CSMD1: variants seen among roughly 807,000 people sequenced by gnomAD.
CSMD1 encodes CUB and sushi domain-containing protein 1.
CSMD1 carries 213 observed loss-of-function variants against 417.5 expected under a neutral mutation model. The observed-to-expected ratio is 0.51, with a 90% CI of 0.46 to 0.57. The LOEUF (loss-of-function observed/expected upper bound fraction) is 0.57, where lower values mean the gene tolerates loss of function less well. Among genes scored for constraint, CSMD1 ranks in the 20% least tolerant of loss-of-function variants. The pLI is 0.00. For synonymous variants in CSMD1, 2,862 were observed against 1,736.8 expected (o/e 1.65, Z -16.11); for missense variants, 6,923 against 4,529.7 (o/e 1.53, Z -15.17).
intron 1 of CSMD1, among the ~76,000 whole-genome samples, chr8:4,673,319 A>C (rs1329723021): frequency 6.6e-6 from 1 of 152,002 alleles, no homozygotes; most frequent in African/African-American, 2.4e-5. Flanking sequence ...AGACCCAAAG[A>C]CTCCAGGGCA....
rs140329009 is a variant in CSMD1 at position 4,356,969 on chromosome 8, G to C, written c.415+62984C>G. On this transcript the variant is annotated intron_variant, in intron 3 of 69. Transcript: ENST00000635120. ...AATATAATAGCAACTGAAAGACTTT[G>C]CAGCTATGTGAATATGTGAATATAT... 2.0e-5 allele frequency among the ~76,000 whole-genome samples: 3 copies of C among 152,260 alleles called. No homozygotes were observed. In the East Asian group the frequency reaches 5.8e-4, roughly 29 times the overall value.
At chr8:4,211,604 C>G (rs1261197253) in intron 3 of CSMD1, among the ~76,000 whole-genome samples, 1 of 152,138 alleles carries the variant, frequency 6.6e-6, no homozygotes, top group Non-Finnish European at 1.5e-5. Context: ...AAGTCATCTC[C>G]AAGTTGCTCC....
intron 5 of CSMD1, among the ~76,000 whole-genome samples, chr8:3,828,740 G>C (rs1000652016): frequency 2.6e-5 from 4 of 152,100 alleles, no homozygotes; most frequent in African/African-American, 9.7e-5. Flanking sequence ...TCACCAGAGA[G>C]ACCTTACTAA....
intron 33 of CSMD1, among the ~76,000 whole-genome samples, chr8:3,198,557 A>T (rs181387480): frequency 2.6e-5 from 4 of 152,344 alleles, no homozygotes; most frequent in Admixed American, 2.6e-4. Context: ...TTCAATGGCT[A>T]CTTACACAGG....
At chr8:4,500,311 G>C (rs923804263) in intron 2 of CSMD1, among the ~76,000 whole-genome samples, 1 of 152,140 alleles carries the variant, frequency 6.6e-6, no homozygotes, top group Non-Finnish European at 1.5e-5. Flanking sequence ...TAGGTTACCA[G>C]GGATATTCTG....
At chr8:4,233,969 G>A (rs78363437) in intron 3 of CSMD1, among the ~76,000 whole-genome samples, 1,895 of 151,802 alleles carry the variant, frequency 0.012, 41 homozygotes, top group African/African-American at 0.044. Context: ...AAGGTAAAAC[G>A]GCGGGGGGTG....
chr8:3,918,742 T>G (rs1809009434), intron 5 of CSMD1, among the ~76,000 whole-genome samples: 2 of 152,092 alleles, frequency 1.3e-5, no homozygotes, highest in Non-Finnish European at 2.9e-5. Flanking sequence ...TGGATGGTAT[T>G]AGAGACTATT....
At chr8:3,785,556 G>C (rs997622625) in intron 5 of CSMD1, among the ~76,000 whole-genome samples, 1 of 152,212 alleles carries the variant, frequency 6.6e-6, no homozygotes, top group African/African-American at 2.4e-5. Flanking sequence ...GGCTTGAAGG[G>C]AGAGGTAAGC....
At chr8:4,173,100 G>A (rs1797856635) in intron 3 of CSMD1, among the ~76,000 whole-genome samples, 1 of 152,058 alleles carries the variant, frequency 6.6e-6, no homozygotes, top group Admixed American at 6.5e-5. Context: ...AAGGTTGTAT[G>A]AACCACACGG....
chr8:3,370,557 G>A (rs762145866), intron 18 of CSMD1, among the ~76,000 whole-genome samples: 6 of 152,204 alleles, frequency 3.9e-5, no homozygotes, highest in Admixed American at 2.0e-4. Flanking sequence ...GTAAGAGGCC[G>A]GTCATGTCTG....
intron 5 of CSMD1, among the ~76,000 whole-genome samples, chr8:3,913,183 A>T (rs1808576365): frequency 6.6e-6 from 1 of 152,054 alleles, no homozygotes; most frequent in Admixed American, 6.5e-5. Context: ...TGAGTTGAGA[A>T]CCGAATATAT....
In CSMD1 at chr8:2,999,218, G is replaced by A. The variant is rs578077317; in HGVS notation, c.8203+740C>T. ...CACCCAGGCTGGGGTGCAGCGGCACGATCTCTGCTCACTGCAACCTCCATC... is the reference window on the plus strand; with the variant it reads ...CACCCAGGCTGGGGTGCAGCGGCACAATCTCTGCTCACTGCAACCTCCATC... On this transcript the variant is annotated intron_variant, in intron 53 of 69. Transcript: ENST00000635120. Among the ~76,000 whole-genome samples, 14 of 142,314 alleles carry A rather than the reference G, an allele frequency of 9.8e-5. No individual in the cohort carries two copies. The South Asian group carries it at 3.1e-3, about 31-fold the overall frequency. 93.4% of individuals were successfully genotyped at this position (142,314 alleles called of 152,430 possible). A position where few individuals can be genotyped will look rare whatever the true frequency, so the allele number is the denominator to read the frequency against.
At chr8:2,985,754 G>A (rs958414944) in intron 54 of CSMD1, among the ~76,000 whole-genome samples, 1 of 152,164 alleles carries the variant, frequency 6.6e-6, no homozygotes, top group African/African-American at 2.4e-5. Context: ...GCCTTAAGAA[G>A]TTGCTTTGTC....
intron 3 of CSMD1, among the ~76,000 whole-genome samples, chr8:4,243,575 G>C (rs559789067): frequency 6.6e-6 from 1 of 152,240 alleles, no homozygotes; most frequent in South Asian, 2.1e-4. Context: ...GAGTAAATAA[G>C]TTATGCAAGG....
intron 11 of CSMD1, among the ~76,000 whole-genome samples, chr8:3,480,892 C>G (rs1259383294): frequency 1.3e-5 from 2 of 151,982 alleles, no homozygotes; most frequent in African/African-American, 4.8e-5. Context: ...GGCAATGGCT[C>G]ACGCCTGTAA....
rs550519080 is a variant in CSMD1 at position 3,496,388 on chromosome 8, G to A, written c.1345-2662C>T. The stretch of plus-strand genomic sequence containing the variant: ...AGACACCATGTGGCTTGCTCGTGGA[G>A]GGAAGCACTGGCCTCAACCTACAAG... On this transcript the variant is annotated intron_variant, in intron 10 of 69. Coordinates refer to ENST00000635120, the MANE Select transcript of CSMD1 (RefSeq NM_033225.6). Among the ~76,000 whole-genome samples, 3 of 152,150 alleles carry A rather than the reference G, an allele frequency of 2.0e-5. No homozygotes were observed. The East Asian group carries it at 5.8e-4, about 29-fold the overall frequency.
At position 4,647,353 on chromosome 8, in the gene CSMD1, T is replaced by G. The variant is rs558541459; in HGVS notation, c.86-9795A>C. 1.6e-4 allele frequency among the ~76,000 whole-genome samples: 25 copies of G among 151,626 alleles called. 1 individual carries two copies. The South Asian group carries it at 3.1e-3, about 19-fold the overall frequency. Reference sequence around the variant, plus strand: ...GCGGCCTGCTACGTAGGTACGCGTGTGCCACGGCGGCCTGCTACGTAGGTA... The same window carrying G: ...GCGGCCTGCTACGTAGGTACGCGTGGGCCACGGCGGCCTGCTACGTAGGTA... On this transcript the variant is annotated intron_variant, in intron 1 of 69. Coordinates refer to ENST00000635120, the MANE Select transcript of CSMD1 (RefSeq NM_033225.6).
At chr8:3,161,624 G>GAAAA (rs10644122) in intron 38 of CSMD1, among the ~76,000 whole-genome samples, 5 of 58,230 alleles carry the variant, frequency 8.6e-5, no homozygotes, top group South Asian at 6.2e-4. Context: ...CTCCCTCTCA[G>GAAAA]AAAAAAAAAA....
At chr8:3,952,723 G>C (rs1811672909) in intron 5 of CSMD1, among the ~76,000 whole-genome samples, 1 of 152,106 alleles carries the variant, frequency 6.6e-6, no homozygotes, top group Admixed American at 6.6e-5. Context: ...CACTGAATTG[G>C]ACATTTTAAA....
Sources: allele counts gnomAD v4.1 joint callset (sites outside exome capture counted in the v4.1 genomes callset), GRCh38; gene constraint gnomAD v4.1.1; transcripts MANE v1.5; gene names NCBI Gene and HGNC (gene_info 2026-07-23, HGNC 2026-07-21).